Variants in CABIN1 observed in about 807,000 individuals in gnomAD.
The protein encoded by CABIN1 is calcineurin binding protein 1.
In CABIN1, 133 loss-of-function variants were observed where a neutral mutation model predicts 227.7. The ratio of observed to expected loss-of-function variants is 0.58; its 90% CI spans 0.51 to 0.67. The LOEUF (loss-of-function observed/expected upper bound fraction) is 0.67, where lower values mean the gene tolerates loss of function less well. Among genes scored for constraint, CABIN1 ranks in the 30% least tolerant of loss-of-function variants. The probability of loss-of-function intolerance (pLI) is 0.00; values close to 1 mark genes in which losing one functional copy is unlikely to be tolerated. For synonymous variants in CABIN1, 1,086 were observed against 1,155.1 expected (o/e 0.94, Z 1.21); for missense variants, 2,408 against 2,852.5 (o/e 0.84, Z 3.55).
At chr22:24,043,731 G>A (rs1019961589) in intron 6 of CABIN1, among the ~76,000 whole-genome samples, 1 of 152,140 alleles carries the variant, frequency 6.6e-6, no homozygotes, top group African/African-American at 2.4e-5. Context: ...CTGTCTGGGT[G>A]ACACAGTGAG....
intron 26 of CABIN1, among the ~76,000 whole-genome samples, chr22:24,106,878 C>G (rs907432726): frequency 6.6e-6 from 1 of 152,232 alleles, no homozygotes; most frequent in African/African-American, 2.4e-5. Context: ...TTCAGTCTGA[C>G]TGGCTTGAAA....
intron 10 of CABIN1, chr22:24,056,663 G>C (rs1025526237): frequency 1.8e-5 from 7 of 382,372 alleles, no homozygotes; most frequent in African/African-American, 1.2e-4. Context: ...CTGGGAGGCA[G>C]AGGGGTGCTG....
At chr22:24,169,911 C>CT (rs1051109551) in intron 33 of CABIN1, among the ~76,000 whole-genome samples, 1 of 152,234 alleles carries the variant, frequency 6.6e-6, no homozygotes, top group African/African-American at 2.4e-5. Flanking sequence ...ATTGGGGCCC[C>CT]TGAGGGCTGG....
At chr22:24,106,458 A>G (rs1200664930) in intron 26 of CABIN1, among the ~76,000 whole-genome samples, 4 of 151,798 alleles carry the variant, frequency 2.6e-5, no homozygotes, top group African/African-American at 9.7e-5. Flanking sequence ...AGTCCAAACA[A>G]CCCTCCCTGC....
Position 24,060,039 on chromosome 22 carries a change from A to G in CABIN1, c.1515A>G (p.Pro505=). The G allele has an allele frequency of 1.2e-6, 2 of 1,614,170 alleles. No homozygotes were observed. The highest frequency in any genetic ancestry group is 1.7e-6 in the Non-Finnish European group (2 of 1,180,014). The change falls in exon 12 of 37, where the codon CCA becomes CCG. Residue 505 remains proline (P), a synonymous_variant. Transcript: ENST00000263119. The stretch of plus-strand genomic sequence containing the variant: ...ACAAGTTCTTGGTAAGGTGGCCTCC[A>G]GGCTTGGCGGAGGTCGTGCTCAGCG... The part of the protein sequence containing the change: ...MGHKFLVRWP[P]GLAEVVLSVY...
At chr22:24,122,182 A>AT (rs554233640) in intron 28 of CABIN1, among the ~76,000 whole-genome samples, 166 of 152,144 alleles carry the variant, frequency 1.1e-3, no homozygotes, top group African/African-American at 3.4e-3. Flanking sequence ...TCTCTTGATG[A>AT]TTTTTTTAGA....
chr22:24,098,228 C>T (rs373073101), intron 26 of CABIN1, 36 bp downstream of exon 26: 75 of 1,613,198 alleles, frequency 4.6e-5, no homozygotes, highest in Admixed American at 1.8e-4. Flanking sequence ...CAGCCCAGGG[C>T]GGCACATCAA....
intron 30 of CABIN1, among the ~76,000 whole-genome samples, chr22:24,165,254 G>A (rs2046379699): frequency 6.6e-6 from 1 of 152,220 alleles, no homozygotes; most frequent in South Asian, 2.1e-4. Flanking sequence ...AGACCTGAGG[G>A]AGCAGCTATA....
intron 6 of CABIN1, among the ~76,000 whole-genome samples, chr22:24,046,012 A>G (rs2037851186): frequency 6.6e-6 from 1 of 152,212 alleles, no homozygotes; most frequent in Non-Finnish European, 1.5e-5. Flanking sequence ...AAGGCAGGTT[A>G]CTTTGGGTCC....
rs1241202549 is a variant in CABIN1, at chr22:24,043,102, G to A, written c.526+18G>A. 6.2e-7 allele frequency: 1 copy of A among 1,612,528 alleles called. No individual in the cohort carries two copies. Among genetic ancestry groups the A allele is most frequent in the East Asian group, 2.2e-5 (1 of 44,858 alleles). On this transcript the variant is annotated intron_variant, in intron 6 of 36. Transcript: ENST00000263119. The stretch of plus-strand genomic sequence containing the variant: ...TTACACAAGTGAGTCATGCTTTGAT[G>A]CTTTCTTCCATGTGCCAGTGGTTTT...
At chr22:24,090,662 A>G (rs544862945) in intron 23 of CABIN1, among the ~76,000 whole-genome samples, 1 of 152,050 alleles carries the variant, frequency 6.6e-6, no homozygotes, top group African/African-American at 2.4e-5. Flanking sequence ...GGCCGGCTCA[A>G]CCTGGCTGGA....
chr22:24,130,203 G>A (rs554765680), intron 28 of CABIN1, among the ~76,000 whole-genome samples: 1 of 152,336 alleles, frequency 6.6e-6, no homozygotes, highest in African/African-American at 2.4e-5. Context: ...ATTCTCAGAG[G>A]TGCCTATGAG....
chr22:24,057,469 C>T (rs777009020), intron 10 of CABIN1, among the ~76,000 whole-genome samples: 1 of 152,198 alleles, frequency 6.6e-6, no homozygotes, highest in East Asian at 1.9e-4. Context: ...GGGGCATCCT[C>T]GCCTATCTTC....
intron 24 of CABIN1, among the ~76,000 whole-genome samples, chr22:24,092,274 C>A (rs543951752): frequency 1.1e-4 from 16 of 152,152 alleles, no homozygotes; most frequent in African/African-American, 3.9e-4. Context: ...TTGGCAGGGG[C>A]TGAGCTAGGG....
At chr22:24,141,643 T>G (rs1001679146) in intron 29 of CABIN1, among the ~76,000 whole-genome samples, 1 of 152,006 alleles carries the variant, frequency 6.6e-6, no homozygotes, top group Non-Finnish European at 1.5e-5. Flanking sequence ...TTTTGGCCTA[T>G]CTGTGGAGTG....
intron 26 of CABIN1, among the ~76,000 whole-genome samples, chr22:24,099,393 T>C (rs758904185): frequency 2.6e-5 from 4 of 152,180 alleles, no homozygotes; most frequent in Non-Finnish European, 5.9e-5. Flanking sequence ...ATCTACAGCA[T>C]GCGTGTTGAG....
chr22:24,059,081 C>G (rs1482704138), intron 10 of CABIN1, 146 bp from the exon 11 acceptor site: 9 of 930,938 alleles, frequency 9.7e-6, no homozygotes, highest in Non-Finnish European at 1.7e-6. Context: ...GCAGAGCCTC[C>G]TGGAGGCCTG....
intron 12 of CABIN1, 91 bp from the exon 13 acceptor site, chr22:24,061,854 GTA>G: frequency 1.2e-6 from 1 of 851,632 alleles, no homozygotes; most frequent in South Asian, 1.4e-5. Flanking sequence ...TTATCAAAAA[GTA>G]TAGTTTTGTT....
chr22:24,045,199 T>C (rs183766990), intron 6 of CABIN1, among the ~76,000 whole-genome samples: 3 of 152,350 alleles, frequency 2.0e-5, no homozygotes, highest in South Asian at 2.1e-4. Context: ...GCTGGGCTTA[T>C]AGGCGTGAGC....
Sources: gnomAD v4.1 joint callset for allele counts (sites outside exome capture counted in the v4.1 genomes callset) on GRCh38, gnomAD v4.1.1 for gene constraint, MANE v1.5 for transcripts, NCBI Gene and HGNC (gene_info 2026-07-23, HGNC 2026-07-21) for gene names.